Variants in CRB1 observed in about 807,000 individuals in gnomAD.
The protein encoded by CRB1 is crumbs cell polarity complex component 1.
Under a neutral mutation model 120.0 loss-of-function variants are expected in CRB1, and 83 were observed. The observed-to-expected ratio is 0.69, with a 90% CI of 0.58 to 0.83. The LOEUF (loss-of-function observed/expected upper bound fraction) is 0.83. CRB1 is among the 40% of genes least tolerant of loss of function. The pLI, the probability that CRB1 is intolerant of heterozygous loss-of-function variation, is 0.00. For missense variants in CRB1, 1,699 were observed against 1,687.6 expected (o/e 1.01, Z -0.12); for synonymous variants, 625 against 612.5 (o/e 1.02, Z -0.30).
intron 5 of CRB1, among the ~76,000 whole-genome samples, chr1:197,382,416 G>T (rs981942181): frequency 2.0e-5 from 3 of 152,038 alleles, no homozygotes; most frequent in African/African-American, 4.8e-5. Context: ...ATAGATAAAT[G>T]AATTCAGAGA....
upstream of CRB1, among the ~76,000 whole-genome samples, chr1:197,266,817 A>T (rs1360909389): frequency 6.6e-6 from 1 of 152,152 alleles, no homozygotes; most frequent in Non-Finnish European, 1.5e-5. Context: ...CTAATACCAT[A>T]AGATTCTTTA....
At chr1:197,355,149 T>C (rs936681456) in intron 4 of CRB1, among the ~76,000 whole-genome samples, 5 of 151,022 alleles carry the variant, frequency 3.3e-5, no homozygotes, top group South Asian at 2.1e-4. Flanking sequence ...AGAGTGCTGG[T>C]TGGTGTATTT....
At chr1:197,386,653 C>T (rs1477002549) in intron 5 of CRB1, among the ~76,000 whole-genome samples, 4 of 152,220 alleles carry the variant, frequency 2.6e-5, no homozygotes, top group African/African-American at 7.2e-5. Flanking sequence ...TAGTCTATAT[C>T]GTCTTAATAT....
chr1:197,252,582 A>ATATATATGTGTGTGTGTGTGTGTGTG, the CRB1 span, among the ~76,000 whole-genome samples: 1 of 15,512 alleles, frequency 6.4e-5, no homozygotes, highest in Non-Finnish European at 1.4e-4. Flanking sequence ...ATATATATAT[A>ATATATATGTGTGTGTGTGTGTGTGTG]TGTGTGTGTG....
chr1:197,429,152 G>A (rs776701098), intron 7 of CRB1: 12 of 1,531,196 alleles, frequency 7.8e-6, no homozygotes, highest in African/African-American at 1.4e-5. Context: ...ATGTGAAAAA[G>A]TGCCTGGTAA....
intron 5 of CRB1, among the ~76,000 whole-genome samples, chr1:197,366,081 G>A (rs1258789118): frequency 6.6e-6 from 1 of 151,690 alleles, no homozygotes; most frequent in Admixed American, 6.6e-5. Flanking sequence ...AAAAGCAAGT[G>A]TTAACTTTCT....
chr1:197,459,450 T>C (rs537917169), intron 11 of CRB1, among the ~76,000 whole-genome samples: 10 of 152,204 alleles, frequency 6.6e-5, no homozygotes, highest in African/African-American at 2.4e-4. Flanking sequence ...AACCAGCAGA[T>C]TTAGTGTCTG....
chr1:197,366,463 A>C (rs1166476551), intron 5 of CRB1, among the ~76,000 whole-genome samples: 1 of 152,182 alleles, frequency 6.6e-6, no homozygotes, highest in Non-Finnish European at 1.5e-5. Context: ...TATAATTAAG[A>C]ATGTATTTAT....
In CRB1 at chr1:197,327,834, G is replaced by T. The variant is rs181597072; in HGVS notation, c.71-588G>T. Among the ~76,000 whole-genome samples the T allele has an allele frequency of 3.1e-3, 470 of 152,258 alleles. 1 individual carries two copies. The highest frequency in any genetic ancestry group is 0.011 in the African/African-American group (449 of 41,538). On this transcript the variant is annotated intron_variant, in intron 1 of 11. Transcript: ENST00000367400. ...GACCTTCCCTGCTTCGACCTGAGCA[G>T]ATCTGCTTTCCAATTGTGTACATTG...
At chr1:197,320,242 C>T (rs1451544551) in intron 1 of CRB1, among the ~76,000 whole-genome samples, 3 of 152,170 alleles carry the variant, frequency 2.0e-5, no homozygotes, top group Non-Finnish European at 4.4e-5. Flanking sequence ...CTCAAGGGCT[C>T]TTGCTTTACT....
chr1:197,229,498 T>C, the CRB1 span, among the ~76,000 whole-genome samples: 1 of 152,194 alleles, frequency 6.6e-6, no homozygotes, highest in African/African-American at 2.4e-5. Context: ...TTTGCAGATT[T>C]GTTCCATGGG....
chr1:197,375,947 C>T (rs530924917), intron 5 of CRB1, among the ~76,000 whole-genome samples: 6 of 152,214 alleles, frequency 3.9e-5, no homozygotes, highest in Admixed American at 1.3e-4. Context: ...TTTGTTACTT[C>T]GGTGAAAACT....
intron 2 of CRB1, among the ~76,000 whole-genome samples, chr1:197,339,287 T>C (rs1186523464): frequency 6.6e-6 from 1 of 152,208 alleles, no homozygotes; most frequent in Non-Finnish European, 1.5e-5. Flanking sequence ...AGATTGACTA[T>C]AATATCTAGG....
At chr1:197,368,738 A>C (rs1032783844) in intron 5 of CRB1, among the ~76,000 whole-genome samples, 3 of 152,184 alleles carry the variant, frequency 2.0e-5, no homozygotes, top group African/African-American at 7.2e-5. Flanking sequence ...CAAGTAAGGG[A>C]AAAGCTCTCA....
intron 11 of CRB1, among the ~76,000 whole-genome samples, chr1:197,474,854 G>A (rs1465018424): frequency 1.3e-5 from 2 of 152,156 alleles, no homozygotes; most frequent in Non-Finnish European, 2.9e-5. Flanking sequence ...ATTTTCTAAA[G>A]ATCATTGGAT....
chr1:197,465,815 T>C (rs1033166583), intron 11 of CRB1, among the ~76,000 whole-genome samples: 25 of 152,214 alleles, frequency 1.6e-4, no homozygotes, highest in African/African-American at 6.0e-4. Context: ...TTTGAGATTA[T>C]TTAAGAGAAG....
chr1:197,215,382 A>C, the CRB1 span, among the ~76,000 whole-genome samples: 2 of 151,590 alleles, frequency 1.3e-5, no homozygotes, highest in African/African-American at 4.8e-5. Flanking sequence ...TGTTCAAGCA[A>C]TTATCCTGCC....
At chr1:197,232,494 G>A in the CRB1 span, among the ~76,000 whole-genome samples, 1 of 152,158 alleles carries the variant, frequency 6.6e-6, no homozygotes, top group Non-Finnish European at 1.5e-5. Context: ...GGTTACAAGA[G>A]ATGATGACCA....
chr1:197,411,560 T>A (rs1046796627), intron 5 of CRB1, among the ~76,000 whole-genome samples: 1 of 152,170 alleles, frequency 6.6e-6, no homozygotes, highest in African/African-American at 2.4e-5. Flanking sequence ...TGACATGAGA[T>A]CCCTGGCTTG....
Sources: allele counts gnomAD v4.1 joint callset (sites outside exome capture counted in the v4.1 genomes callset), GRCh38; gene constraint gnomAD v4.1.1; transcripts MANE v1.5; gene names NCBI Gene and HGNC (gene_info 2026-07-23, HGNC 2026-07-21).